The following CALCR variants were observed in gnomAD, a reference collection of about 807,000 sequenced individuals.
CALCR encodes calcitonin receptor.
Under a neutral mutation model 59.5 loss-of-function variants are expected in CALCR, and 47 were observed. The observed-to-expected ratio is 0.79, with a 90% CI of 0.63 to 1.01. CALCR has a LOEUF of 1.01. Among genes scored for constraint, CALCR ranks in the 50% least tolerant of loss-of-function variants. The pLI, the probability that CALCR is intolerant of heterozygous loss-of-function variation, is 0.00. For missense variants in CALCR, 566 were observed against 597.1 expected (o/e 0.95, Z 0.54); for synonymous variants, 213 against 211.3 (o/e 1.01, Z -0.07).
intron 2 of CALCR, among the ~76,000 whole-genome samples, chr7:93,551,608 C>T (rs568710542): frequency 2.6e-4 from 39 of 152,230 alleles, no homozygotes; most frequent in African/African-American, 9.4e-4. Flanking sequence ...TTGGTAAAAT[C>T]TTGTAGGAGC....
At chr7:93,570,615 T>G (rs549264452) in intron 2 of CALCR, among the ~76,000 whole-genome samples, 1 of 152,146 alleles carries the variant, frequency 6.6e-6, no homozygotes, top group African/African-American at 2.4e-5. Flanking sequence ...TATGCTATTT[T>G]TAAAAAATAA....
At chr7:93,549,418 A>G (rs555019924) in intron 2 of CALCR, among the ~76,000 whole-genome samples, 1 of 152,320 alleles carries the variant, frequency 6.6e-6, no homozygotes, top group East Asian at 1.9e-4. Context: ...GGTCCTCTCA[A>G]CTACTGAATT....
rs1801625390 is a variant in CALCR, at chr7:93,515,220, T to G, written c.-26-28213A>C. Among the ~76,000 whole-genome samples the G allele has an allele frequency of 2.0e-5, 3 of 152,160 alleles. No homozygotes were observed. In the East Asian group the frequency reaches 5.8e-4, roughly 29 times the overall value. Reference sequence around the variant, plus strand: ...TGGCTATAAGGAAGACTAAAAAAATTTCTAACATATGAATTCCTGTGTGTG... The same window carrying G: ...TGGCTATAAGGAAGACTAAAAAAATGTCTAACATATGAATTCCTGTGTGTG... On this transcript the variant is annotated intron_variant, in intron 2 of 13. Transcript: ENST00000426151.
chr7:93,444,045 T>C (rs1799963845), intron 8 of CALCR, among the ~76,000 whole-genome samples: 1 of 152,140 alleles, frequency 6.6e-6, no homozygotes, highest in Non-Finnish European at 1.5e-5. Context: ...TTCCTGCAAT[T>C]TGTCAGACTC....
intron 2 of CALCR, among the ~76,000 whole-genome samples, chr7:93,553,813 C>T (rs1789526199): frequency 6.6e-6 from 1 of 152,092 alleles, no homozygotes; most frequent in South Asian, 2.1e-4. Context: ...TTTGACTATA[C>T]AAAAGGATGT....
intron 2 of CALCR, among the ~76,000 whole-genome samples, chr7:93,491,062 T>C (rs1428095029): frequency 6.6e-6 from 1 of 151,908 alleles, no homozygotes; most frequent in East Asian, 1.9e-4. Context: ...AACAGACATA[T>C]AGACCAATGG....
chr7:93,426,815 T>G (rs1390392065), intron 13 of CALCR, among the ~76,000 whole-genome samples: 3 of 152,226 alleles, frequency 2.0e-5, no homozygotes, highest in Non-Finnish European at 4.4e-5. Context: ...CTGGCAAGGT[T>G]GTTTGCTAGT....
At chr7:93,520,545 AT>A (rs1346597504) in intron 2 of CALCR, among the ~76,000 whole-genome samples, 1 of 152,088 alleles carries the variant, frequency 6.6e-6, no homozygotes. Flanking sequence ...ATGTTGCTGA[AT>A]TTAGAAAATT....
At chr7:93,480,216 C>A (rs754558360) in intron 3 of CALCR, among the ~76,000 whole-genome samples, 5 of 151,940 alleles carry the variant, frequency 3.3e-5, no homozygotes, top group Non-Finnish European at 5.9e-5. Flanking sequence ...CATCACAAGC[C>A]TCTCTTTTTC....
intron 2 of CALCR, among the ~76,000 whole-genome samples, chr7:93,523,409 C>A (rs1372344892): frequency 6.6e-6 from 1 of 152,116 alleles, no homozygotes; most frequent in Non-Finnish European, 1.5e-5. Context: ...GTAATCACTA[C>A]ATTTGTTATT....
At chr7:93,494,693 A>T (rs1801160406) in intron 2 of CALCR, among the ~76,000 whole-genome samples, 1 of 151,382 alleles carries the variant, frequency 6.6e-6, no homozygotes, top group South Asian at 2.1e-4. Flanking sequence ...TTTTTTGAAA[A>T]AAAGCACTTT....
At chr7:93,566,398 T>G (rs1249406726) in intron 2 of CALCR, among the ~76,000 whole-genome samples, 2 of 152,070 alleles carry the variant, frequency 1.3e-5, no homozygotes, top group African/African-American at 4.8e-5. Flanking sequence ...CCTGATTGAG[T>G]TGGAGAGCTG....
chr7:93,547,497 A>G (rs73223647), intron 2 of CALCR, among the ~76,000 whole-genome samples: 1 of 152,306 alleles, frequency 6.6e-6, no homozygotes, highest in South Asian at 2.1e-4. Context: ...GGCTTTGTCC[A>G]TGAAAACCAC....
intron 2 of CALCR, among the ~76,000 whole-genome samples, chr7:93,568,053 G>GA (rs1361076193): frequency 3.3e-5 from 5 of 152,172 alleles, no homozygotes; most frequent in Non-Finnish European, 5.9e-5. Flanking sequence ...TGGCAACAGA[G>GA]AAAAATACTT....
chr7:93,443,728 G>A lies in CALCR; in HGVS notation c.678C>T (p.His226=). 1.2e-6 allele frequency: 2 copies of A among 1,612,848 alleles called. No homozygotes were observed. Among genetic ancestry groups the A allele is most frequent in the Non-Finnish European group, 1.7e-6 (2 of 1,179,098 alleles). The change falls in exon 9 of 14, where the codon CAC becomes CAT. Residue 226 remains histidine (H), a synonymous_variant. Coordinates refer to ENST00000426151, the MANE Select transcript of CALCR (RefSeq NM_001742.4). ...PVSCKILHFF[H]QYMMACNYFW... ...AATAGTTGCAGGCCATCATGTACTGGTGGAAAAAATGCAAAATCTTGCAGC... is the reference window on the plus strand; with the variant it reads ...AATAGTTGCAGGCCATCATGTACTGATGGAAAAAATGCAAAATCTTGCAGC...
chr7:93,482,318 A>G (rs945751434), intron 3 of CALCR, among the ~76,000 whole-genome samples: 2 of 151,852 alleles, frequency 1.3e-5, no homozygotes, highest in Non-Finnish European at 2.9e-5. Context: ...CATTTATTTT[A>G]GATTCTTCTT....
chr7:93,527,638 AG>A (rs1233993068), intron 2 of CALCR, among the ~76,000 whole-genome samples: 1 of 152,182 alleles, frequency 6.6e-6, no homozygotes, highest in Non-Finnish European at 1.5e-5. Flanking sequence ...TTCTAGAAAC[AG>A]CACAATCAAC....
chr7:93,526,527 T>C lies in CALCR; in HGVS notation c.-26-39520A>G, dbSNP rs1253171014. 3.3e-5 allele frequency among the ~76,000 whole-genome samples: 5 copies of C among 152,100 alleles called. 1 individual carries two copies. Among genetic ancestry groups the C allele is most frequent in the African/African-American group, 9.6e-5 (4 of 41,504 alleles). ...AAATATAGATTGCAATTTATATGTATATTATGATTCATATAGAATTGTATA... is the reference window on the plus strand; with the variant it reads ...AAATATAGATTGCAATTTATATGTACATTATGATTCATATAGAATTGTATA... On this transcript the variant is annotated intron_variant, in intron 2 of 13. Coordinates refer to ENST00000426151, the MANE Select transcript of CALCR (RefSeq NM_001742.4).
At chr7:93,573,883 C>T (rs759604015) in intron 2 of CALCR, among the ~76,000 whole-genome samples, 70 of 152,316 alleles carry the variant, frequency 4.6e-4, no homozygotes, top group Admixed American at 1.3e-3. Context: ...ACAACCATGA[C>T]ACATCTTATA....
Sources: gnomAD v4.1 joint callset for allele counts (sites outside exome capture counted in the v4.1 genomes callset) on GRCh38, gnomAD v4.1.1 for gene constraint, MANE v1.5 for transcripts, NCBI Gene and HGNC (gene_info 2026-07-23, HGNC 2026-07-21) for gene names.